The following NEK11 variants were observed in gnomAD, a reference collection of about 807,000 sequenced individuals.
NEK11 encodes the protein serine/threonine-protein kinase Nek11.
Under a neutral mutation model 80.7 loss-of-function variants are expected in NEK11, and 72 were observed. The observed-to-expected ratio is 0.89, with a 90% CI of 0.74 to 1.08. NEK11 has a LOEUF of 1.08. Ranked by LOEUF, NEK11 falls within the 50% of genes least tolerant of loss-of-function variation. NEK11 has a pLI of 0.00. For missense variants in NEK11, 764 were observed against 763.6 expected, an observed-to-expected ratio of 1.00 and a Z score of -0.01; for synonymous variants, 251 against 260.7, an observed-to-expected ratio of 0.96 and a Z score of 0.36.
rs554765133 is a variant in NEK11 at position 131,295,393 on chromosome 3, T to G, written c.1718+21819T>G. ...CAATGAGTATTTCTTTTGAACTTCA[T>G]GGTGGTGCTCAGAAAGTGTCAGATT... On this transcript the variant is annotated intron_variant, in intron 17 of 17. Coordinates refer to ENST00000383366, the MANE Select transcript of NEK11 (RefSeq NM_024800.5). Among the ~76,000 whole-genome samples the G allele has an allele frequency of 7.2e-5, 11 of 152,246 alleles. No homozygotes were observed. The East Asian group carries it at 1.9e-3, about 27-fold the overall frequency.
intron 17 of NEK11, among the ~76,000 whole-genome samples, chr3:131,281,606 G>A (rs184965259): frequency 1.3e-5 from 2 of 152,298 alleles, no homozygotes; most frequent in Admixed American, 6.5e-5. Context: ...TATTGCCAAT[G>A]TATCTTTGAG....
intron 9 of NEK11, among the ~76,000 whole-genome samples, chr3:131,154,348 G>C (rs1560674757): frequency 6.6e-6 from 1 of 152,134 alleles, no homozygotes; most frequent in Non-Finnish European, 1.5e-5. Flanking sequence ...TGAGGCCCTT[G>C]ACTCTGGGGC....
At chr3:131,280,381 G>A (rs1170630154) in intron 17 of NEK11, among the ~76,000 whole-genome samples, 2 of 151,872 alleles carry the variant, frequency 1.3e-5, no homozygotes, top group Non-Finnish European at 2.9e-5. Context: ...TTTTTTTAAG[G>A]CTTTTTTTTC....
intron 14 of NEK11, among the ~76,000 whole-genome samples, chr3:131,185,918 G>A (rs2093580765): frequency 6.6e-6 from 1 of 152,100 alleles, no homozygotes; most frequent in Non-Finnish European, 1.5e-5. Context: ...CCAACTATGT[G>A]GACCTGGACA....
chr3:131,297,587 C>A (rs890880713), intron 17 of NEK11, among the ~76,000 whole-genome samples: 1 of 151,992 alleles, frequency 6.6e-6, no homozygotes, highest in Non-Finnish European at 1.5e-5. Flanking sequence ...GAGTAGGTTG[C>A]GAAAATTTTC....
chr3:131,285,873 G>A (rs1465174754), intron 17 of NEK11, among the ~76,000 whole-genome samples: 1 of 152,094 alleles, frequency 6.6e-6, no homozygotes, highest in African/African-American at 2.4e-5. Context: ...GAGATAAATC[G>A]CTATAATGAG....
At chr3:131,050,383 TC>T in intron 3 of NEK11, among the ~76,000 whole-genome samples, 1 of 152,282 alleles carries the variant, frequency 6.6e-6, no homozygotes, top group East Asian at 1.9e-4. Flanking sequence ...AACAAATGAC[TC>T]CCTGCTGGTC....
chr3:131,213,335 G>A (rs1294223189), intron 14 of NEK11, among the ~76,000 whole-genome samples: 2 of 152,198 alleles, frequency 1.3e-5, no homozygotes, highest in East Asian at 3.8e-4. Context: ...ACAGAAGGGT[G>A]CTGCCAATGG....
At chr3:131,106,995 T>C (rs2079281736) in intron 4 of NEK11, among the ~76,000 whole-genome samples, 1 of 152,102 alleles carries the variant, frequency 6.6e-6, no homozygotes, top group Non-Finnish European at 1.5e-5. Context: ...AGACTTAAGA[T>C]TTTTTCCATT....
rs535391275 is a variant in NEK11 at position 131,037,015 on chromosome 3, G to T, written c.170+7137G>T. 5.9e-5 allele frequency among the ~76,000 whole-genome samples: 9 copies of T among 152,236 alleles called. No individual in the cohort carries two copies. The East Asian group carries it at 1.7e-3, about 29-fold the overall frequency. On this transcript the variant is annotated intron_variant, in intron 3 of 17. Coordinates refer to ENST00000383366, the MANE Select transcript of NEK11 (RefSeq NM_024800.5). ...TTTTAACACCTGCATAATAGTCTAT[G>T]GCTTTCTTGTCATTTAACGGCCACT...
At chr3:131,124,170 A>G (rs2082881135) in intron 5 of NEK11, among the ~76,000 whole-genome samples, 2 of 152,186 alleles carry the variant, frequency 1.3e-5, no homozygotes, top group African/African-American at 4.8e-5. Flanking sequence ...TGTCTTTTAT[A>G]AGAGTAGGGA....
chr3:131,095,149 A>G (rs749332100), intron 4 of NEK11, among the ~76,000 whole-genome samples: 33 of 152,272 alleles, frequency 2.2e-4, no homozygotes, highest in Middle Eastern at 3.4e-3. Flanking sequence ...TATCTTAACA[A>G]TTTCAGTACT....
chr3:131,107,920 T>C (rs544615555), intron 4 of NEK11, among the ~76,000 whole-genome samples: 1 of 152,222 alleles, frequency 6.6e-6, no homozygotes, highest in East Asian at 1.9e-4. Context: ...ACAGCTTGTA[T>C]GGCTCAACAG....
At chr3:131,048,036 T>G (rs1395731618) in intron 3 of NEK11, among the ~76,000 whole-genome samples, 1 of 152,132 alleles carries the variant, frequency 6.6e-6, no homozygotes, top group Admixed American at 6.5e-5. Context: ...TGCTGCATCA[T>G]GCAGGTCACC....
intron 17 of NEK11, among the ~76,000 whole-genome samples, chr3:131,304,565 G>A (rs1581672977): frequency 6.6e-6 from 1 of 152,106 alleles, no homozygotes; most frequent in East Asian, 1.9e-4. Context: ...TCTTGTGGAT[G>A]GGTTTTTTGC....
chr3:131,104,753 G>A (rs1000007974), intron 4 of NEK11, among the ~76,000 whole-genome samples: 1 of 152,166 alleles, frequency 6.6e-6, no homozygotes, highest in African/African-American at 2.4e-5. Flanking sequence ...AAGGCTCATG[G>A]AGCTCAATGT....
At chr3:131,140,894 C>T (rs768000982) in intron 7 of NEK11, among the ~76,000 whole-genome samples, 1 of 152,100 alleles carries the variant, frequency 6.6e-6, no homozygotes, top group Non-Finnish European at 1.5e-5. Context: ...TCACCCCTAG[C>T]ACTGGACCAT....
At chr3:131,321,031 C>T (rs1239607823) in intron 17 of NEK11, among the ~76,000 whole-genome samples, 2 of 152,154 alleles carry the variant, frequency 1.3e-5, no homozygotes, top group African/African-American at 4.8e-5. Context: ...TAAAAAAGAG[C>T]CCAAATAGCC....
intron 17 of NEK11, among the ~76,000 whole-genome samples, chr3:131,340,849 C>T (rs961137270): frequency 2.1e-4 from 32 of 152,086 alleles, no homozygotes; most frequent in African/African-American, 7.7e-4. Flanking sequence ...TGATGTTTGA[C>T]AATCCCTAAA....
Sources: gnomAD v4.1 joint callset for allele counts (sites outside exome capture counted in the v4.1 genomes callset) on GRCh38, gnomAD v4.1.1 for gene constraint, MANE v1.5 for transcripts, NCBI Gene and HGNC (gene_info 2026-07-23, HGNC 2026-07-21) for gene names.